Variants in ZNF469 observed in about 807,000 individuals in gnomAD.
The protein encoded by ZNF469 is zinc finger protein 469.
A neutral mutation model predicts 1.0 loss-of-function variants in ZNF469; 1 was observed. The observed-to-expected ratio is 1.00, with a 90% confidence interval of 0.35 to 4.73. The LOEUF (loss-of-function observed/expected upper bound fraction) is 4.73, where lower values mean the gene tolerates loss of function less well. Among genes scored for constraint, ZNF469 ranks in the 30% most tolerant of loss-of-function variants. The pLI is 0.16. For missense variants in ZNF469, 6,100 were observed against 5,356.3 expected (o/e 1.14, Z -4.33); for synonymous variants, 2,703 against 2,363.4 (o/e 1.14, Z -4.17).
At chr16:88,122,403 T>A in the ZNF469 span, among the ~76,000 whole-genome samples, 2 of 147,858 alleles carry the variant, frequency 1.4e-5, no homozygotes, top group Admixed American at 1.4e-4. Context: ...ATCCCGTCAC[T>A]CACTACAGCC....
At chr16:88,123,977 A>G in the ZNF469 span, among the ~76,000 whole-genome samples, 1 of 151,840 alleles carries the variant, frequency 6.6e-6, no homozygotes, top group Non-Finnish European at 1.5e-5. Flanking sequence ...CTAATTTTCT[A>G]TTTTTAGTAG....
At chr16:88,145,577 C>G in the ZNF469 span, among the ~76,000 whole-genome samples, 1 of 152,258 alleles carries the variant, frequency 6.6e-6, no homozygotes, top group Admixed American at 6.5e-5. Context: ...GCTGCCAGGT[C>G]TGGTCTTCCA....
chr16:88,150,505 G>C, the ZNF469 span, among the ~76,000 whole-genome samples: 2 of 152,136 alleles, frequency 1.3e-5, no homozygotes. Flanking sequence ...TGGGTGTTAG[G>C]GTCATCCGGA....
the ZNF469 span, among the ~76,000 whole-genome samples, chr16:88,333,762 G>C: frequency 7.1e-6 from 1 of 140,392 alleles, no homozygotes; most frequent in African/African-American, 2.5e-5. Flanking sequence ...AAGATCCCGA[G>C]GAGAATAAAA....
At chr16:88,338,345 C>T in the ZNF469 span, among the ~76,000 whole-genome samples, 13,371 of 152,244 alleles carry the variant, frequency 0.088, 716 homozygotes, top group South Asian at 0.19. Flanking sequence ...ATGTCTGCCC[C>T]GGCAAGAGAG....
At chr16:88,295,602 C>G in the ZNF469 span, among the ~76,000 whole-genome samples, 1 of 152,138 alleles carries the variant, frequency 6.6e-6, no homozygotes, top group Non-Finnish European at 1.5e-5. Context: ...AGAGGGCTAT[C>G]TGAAAGCGCT....
In ZNF469 at chr16:88,438,178, G is replaced by A. The variant is rs57052487; in HGVS notation, c.10708G>A (p.Ala3570Thr). Residue 3570 changes from alanine (A) to threonine (T), a missense_variant, in exon 3 of 3, where the codon GCG becomes ACG. Coordinates refer to ENST00000565624, the MANE Select transcript of ZNF469 (RefSeq NM_001367624.2). ...CTTGGCTGATGGCAGAGGAGACTGC[G>A]CGCTGGACGGAGCCCTGGAGAGGCC... is the stretch of plus-strand genomic sequence containing the variant. ...AALADGRGDC[A>T]LDGALERPEN... The A allele has an allele frequency of 2.4e-3, 3,673 of 1,549,398 alleles. 71 individuals carry two copies. The African/African-American group carries it at 0.045, about 19-fold the overall frequency.
the ZNF469 span, among the ~76,000 whole-genome samples, chr16:88,101,940 T>A: frequency 6.6e-6 from 1 of 152,084 alleles, no homozygotes; most frequent in African/African-American, 2.4e-5. Flanking sequence ...TCCGTCAGGA[T>A]CCTGGTGAGG....
At chr16:88,321,088 G>A in the ZNF469 span, among the ~76,000 whole-genome samples, 1 of 152,250 alleles carries the variant, frequency 6.6e-6, no homozygotes, top group African/African-American at 2.4e-5. Context: ...GTCCCAGGTT[G>A]ACCAGGCTGC....
At chr16:88,186,777 G>T in the ZNF469 span, among the ~76,000 whole-genome samples, 2 of 152,228 alleles carry the variant, frequency 1.3e-5, no homozygotes, top group Non-Finnish European at 2.9e-5. Flanking sequence ...AATAAACACG[G>T]CTCTCGCTGG....
chr16:88,269,282 C>A, the ZNF469 span, among the ~76,000 whole-genome samples: 10 of 152,040 alleles, frequency 6.6e-5, no homozygotes, highest in Non-Finnish European at 1.5e-4. Flanking sequence ...AAAACTGCAC[C>A]CAGGCGGCTT....
chr16:88,430,076 C>A lies in ZNF469; in HGVS notation c.2606C>A (p.Ala869Glu). The change falls in exon 3 of 3, where the codon GCG (alanine) becomes GAG (glutamate). Residue 869 changes from alanine to glutamate, a missense_variant. Transcript: ENST00000565624. Reference protein sequence around the residue: ...EIDSSFIDVFADEEPSGPRGP... With the variant: ...EIDSSFIDVFEDEEPSGPRGP... ...GACAGCAGCTTCATCGACGTCTTCGCGGACGAGGAGCCTTCCGGCCCCAGA... is the reference window on the plus strand; with the variant it reads ...GACAGCAGCTTCATCGACGTCTTCGAGGACGAGGAGCCTTCCGGCCCCAGA... The A allele has an allele frequency of 6.5e-7, 1 of 1,550,362 alleles. No homozygotes were observed. The highest frequency in any genetic ancestry group is 1.2e-5 in the South Asian group (1 of 84,070).
the ZNF469 span, among the ~76,000 whole-genome samples, chr16:88,190,953 C>G: frequency 6.6e-6 from 1 of 152,104 alleles, no homozygotes; most frequent in African/African-American, 2.4e-5. Context: ...ACCTCCAGAA[C>G]TGGGAGAGAC....
the ZNF469 span, among the ~76,000 whole-genome samples, chr16:88,134,857 C>T: frequency 8.5e-5 from 13 of 152,228 alleles, no homozygotes; most frequent in African/African-American, 2.9e-4. Flanking sequence ...TTTGTCTTTT[C>T]CTCAATGATT....
the ZNF469 span, among the ~76,000 whole-genome samples, chr16:88,357,940 C>T: frequency 3.3e-5 from 5 of 152,208 alleles, no homozygotes; most frequent in Non-Finnish European, 5.9e-5. Flanking sequence ...CTTCCACACC[C>T]GCAGTACAGA....
chr16:88,381,242 A>T (rs1218010439), upstream of ZNF469, among the ~76,000 whole-genome samples: 1 of 149,426 alleles, frequency 6.7e-6, no homozygotes, highest in Non-Finnish European at 1.5e-5. Context: ...ACGCACTCAC[A>T]GACATGCACT....
the ZNF469 span, among the ~76,000 whole-genome samples, chr16:88,347,585 C>G: frequency 2.2e-4 from 33 of 152,320 alleles, no homozygotes; most frequent in African/African-American, 7.9e-4. Flanking sequence ...GTTTTAACCA[C>G]ACCATCTGTG....
At chr16:88,364,379 A>G in the ZNF469 span, among the ~76,000 whole-genome samples, 2 of 149,258 alleles carry the variant, frequency 1.3e-5, no homozygotes, top group Non-Finnish European at 3.0e-5. Context: ...AAGTCACAAT[A>G]TCTTGTGGTG....
chr16:88,210,407 G>A, the ZNF469 span, among the ~76,000 whole-genome samples: 2 of 152,062 alleles, frequency 1.3e-5, no homozygotes, highest in Admixed American at 6.5e-5. Flanking sequence ...ATCGTCAAAT[G>A]CATCCATCTT....
Sources: allele counts gnomAD v4.1 joint callset (sites outside exome capture counted in the v4.1 genomes callset), GRCh38; gene constraint gnomAD v4.1.1; transcripts MANE v1.5; gene names NCBI Gene and HGNC (gene_info 2026-07-23, HGNC 2026-07-21).